Variants in EYS observed in about 807,000 individuals in gnomAD.
EYS encodes the protein protein eyes shut homolog.
In EYS, 250 loss-of-function variants were observed where a neutral mutation model predicts 282.1. The observed-to-expected ratio is 0.89, with a 90% CI of 0.80 to 0.98. The LOEUF is 0.98. EYS is among the 50% of genes least tolerant of loss of function. The pLI, the probability that EYS is intolerant of heterozygous loss-of-function variation, is 0.00. For synonymous variants in EYS, 1,355 were observed against 1,282.9 expected, an observed-to-expected ratio of 1.06 and a Z score of -1.20; for missense variants, 4,016 against 3,709.0, an observed-to-expected ratio of 1.08 and a Z score of -2.15.
intron 37 of EYS, among the ~76,000 whole-genome samples, chr6:63,795,168 G>C (rs993014700): frequency 3.9e-5 from 6 of 152,156 alleles, no homozygotes; most frequent in Non-Finnish European, 8.8e-5. Flanking sequence ...GTATGTTGTG[G>C]CAAGCCATGC....
At chr6:64,231,515 T>C (rs546407897) in intron 30 of EYS, among the ~76,000 whole-genome samples, 64 of 152,264 alleles carry the variant, frequency 4.2e-4, no homozygotes, top group African/African-American at 1.3e-3. Context: ...TCCTTAAAGA[T>C]GCTGAAATTT....
chr6:64,343,355 G>C (rs982276917), intron 29 of EYS, among the ~76,000 whole-genome samples: 27 of 151,772 alleles, frequency 1.8e-4, no homozygotes, highest in Admixed American at 1.1e-3. Context: ...ATAACAAACT[G>C]TCTCTCAGAC....
intron 12 of EYS, among the ~76,000 whole-genome samples, chr6:65,072,634 T>C (rs905845620): frequency 7.9e-5 from 12 of 151,750 alleles, no homozygotes; most frequent in African/African-American, 2.9e-4. Flanking sequence ...CAAAATGAGC[T>C]AAAACATTTT....
At chr6:64,074,870 C>G (rs922505002) in intron 32 of EYS, among the ~76,000 whole-genome samples, 2 of 151,826 alleles carry the variant, frequency 1.3e-5, no homozygotes, top group Non-Finnish European at 2.9e-5. Context: ...ATAATATAAA[C>G]ATACCTGCAT....
At chr6:65,639,085 G>A (rs1582551661) in intron 2 of EYS, among the ~76,000 whole-genome samples, 1 of 152,240 alleles carries the variant, frequency 6.6e-6, no homozygotes. Flanking sequence ...AGAACAAGCA[G>A]ATATCAAGCT....
chr6:64,754,704 A>C (rs1025166713), intron 22 of EYS, among the ~76,000 whole-genome samples: 4 of 152,142 alleles, frequency 2.6e-5, no homozygotes, highest in African/African-American at 9.7e-5. Flanking sequence ...AATGTGATTC[A>C]CTACATAAAC....
At chr6:63,858,341 T>G (rs1028790896) in intron 36 of EYS, among the ~76,000 whole-genome samples, 39 of 152,218 alleles carry the variant, frequency 2.6e-4, no homozygotes, top group African/African-American at 9.4e-4. Context: ...ATTACAGGCG[T>G]GAGCCACCAT....
At chr6:65,032,681 T>C (rs1772643422) in intron 13 of EYS, among the ~76,000 whole-genome samples, 1 of 152,116 alleles carries the variant, frequency 6.6e-6, no homozygotes, top group African/African-American at 2.4e-5. Context: ...CTCTCTCTTT[T>C]TTTTTTTAAA....
At chr6:64,905,995 A>G (rs1767815327) in intron 16 of EYS, among the ~76,000 whole-genome samples, 1 of 151,668 alleles carries the variant, frequency 6.6e-6, no homozygotes, top group Non-Finnish European at 1.5e-5. Context: ...TATTATTTCT[A>G]TTTATTCTTA....
At chr6:64,235,455 T>C (rs1766569166) in intron 30 of EYS, among the ~76,000 whole-genome samples, 1 of 152,202 alleles carries the variant, frequency 6.6e-6, no homozygotes, top group Non-Finnish European at 1.5e-5. Context: ...TGCCATGGTG[T>C]ATATGTGCCA....
intron 12 of EYS, among the ~76,000 whole-genome samples, chr6:65,204,194 A>G (rs1360456460): frequency 6.6e-6 from 1 of 152,126 alleles, no homozygotes; most frequent in Non-Finnish European, 1.5e-5. Flanking sequence ...ACATTCAAAT[A>G]CAATAAATTT....
At chr6:64,095,329 G>T (rs1027521873) in intron 31 of EYS, among the ~76,000 whole-genome samples, 15 of 152,114 alleles carry the variant, frequency 9.9e-5, no homozygotes, top group African/African-American at 2.9e-4. Flanking sequence ...CTGTCTCGTT[G>T]ATCTGTCTAA....
intron 41 of EYS, among the ~76,000 whole-genome samples, chr6:63,755,136 A>T (rs1401110423): frequency 1.3e-5 from 2 of 152,064 alleles, no homozygotes; most frequent in Non-Finnish European, 2.9e-5. Flanking sequence ...CCCATTCTGT[A>T]GGTTGCCTGT....
At chr6:65,125,621 T>C (rs1016384452) in intron 12 of EYS, among the ~76,000 whole-genome samples, 1 of 152,200 alleles carries the variant, frequency 6.6e-6, no homozygotes, top group Non-Finnish European at 1.5e-5. Flanking sequence ...AAATTTTTGA[T>C]GTTTGATGGC....
intron 35 of EYS, among the ~76,000 whole-genome samples, chr6:63,932,141 T>C (rs567339470): frequency 3.5e-4 from 53 of 152,356 alleles, no homozygotes; most frequent in African/African-American, 1.3e-3. Flanking sequence ...GGCCCATCCA[T>C]ATTGCCACAA....
intron 35 of EYS, among the ~76,000 whole-genome samples, chr6:63,941,936 T>C (rs972404476): frequency 1.3e-5 from 2 of 152,200 alleles, no homozygotes; most frequent in East Asian, 3.9e-4. Context: ...GTACCATACA[T>C]GTAAGGAACT....
intron 13 of EYS, among the ~76,000 whole-genome samples, chr6:65,043,883 C>T (rs144592958): frequency 0.012 from 1,896 of 151,718 alleles, 43 homozygotes; most frequent in African/African-American, 0.043. Flanking sequence ...ATTTCACATC[C>T]TTTGCATACA....
chr6:64,511,280 G>A (rs1459665797), intron 26 of EYS, among the ~76,000 whole-genome samples: 1 of 147,436 alleles, frequency 6.8e-6, no homozygotes, highest in Non-Finnish European at 1.5e-5. Flanking sequence ...TCATATATAT[G>A]ATATATATGT....
At chr6:63,950,198 AAAAAAAAAC>A (rs1207059412) in intron 35 of EYS, among the ~76,000 whole-genome samples, 10 of 151,092 alleles carry the variant, frequency 6.6e-5, no homozygotes, top group Middle Eastern at 3.4e-3. Flanking sequence ...ACAAAACAAA[AAAAAAAAAC>A]AAAAAAAACA....
Sources: allele counts gnomAD v4.1 joint callset (sites outside exome capture counted in the v4.1 genomes callset), GRCh38; gene constraint gnomAD v4.1.1; transcripts MANE v1.5; gene names NCBI Gene and HGNC (gene_info 2026-07-23, HGNC 2026-07-21).